Variants in LMBRD2 observed in about 807,000 individuals in gnomAD.
The protein encoded by LMBRD2 is G protein-coupled receptor-associated protein LMBRD2.
LMBRD2 carries 55 observed loss-of-function variants against 94.4 expected under a neutral mutation model. That is an observed-to-expected ratio of 0.58 (90% CI 0.47 to 0.73). The LOEUF (loss-of-function observed/expected upper bound fraction) is 0.73. Ranked by LOEUF, LMBRD2 falls within the 30% of genes least tolerant of loss-of-function variation. The pLI, the probability that LMBRD2 is intolerant of heterozygous loss-of-function variation, is 0.00. For synonymous variants in LMBRD2, 246 were observed against 272.4 expected (o/e 0.90, Z 0.95); for missense variants, 640 against 831.9 (o/e 0.77, Z 2.84).
At chr5:36,148,025 G>A (rs568785146) in intron 1 of LMBRD2, 70 of 188,934 alleles carry the variant, frequency 3.7e-4, no homozygotes, top group African/African-American at 1.6e-3. Context: ...TCAGATATGT[G>A]CAAAATAATA....
intron 4 of LMBRD2, among the ~76,000 whole-genome samples, chr5:36,138,953 C>T (rs895775531): frequency 6.6e-5 from 10 of 152,166 alleles, no homozygotes; most frequent in East Asian, 1.9e-4. Context: ...AGTTGCTGGC[C>T]GCAGTGTGGG....
At chr5:36,104,755 A>G (rs1743423238) in intron 17 of LMBRD2, among the ~76,000 whole-genome samples, 1 of 152,016 alleles carries the variant, frequency 6.6e-6, no homozygotes. Context: ...ACAATCAGAA[A>G]TAGGCATATA....
intron 9 of LMBRD2, among the ~76,000 whole-genome samples, chr5:36,121,579 C>T (rs1391584775): frequency 6.6e-6 from 1 of 151,976 alleles, no homozygotes; most frequent in East Asian, 1.9e-4. Context: ...TGTTAATAAT[C>T]AAAGAGGACT....
chr5:36,121,363 C>T (rs1374928963), intron 9 of LMBRD2, among the ~76,000 whole-genome samples: 2 of 152,098 alleles, frequency 1.3e-5, no homozygotes, highest in Non-Finnish European at 2.9e-5. Context: ...ATACTCAAAA[C>T]CAAACATGCA....
chr5:36,112,465 G>A (rs1581043529), intron 13 of LMBRD2, among the ~76,000 whole-genome samples: 3 of 152,270 alleles, frequency 2.0e-5, no homozygotes, highest in Admixed American at 2.0e-4. Flanking sequence ...AATTATGGCA[G>A]CATTTCAAAT....
Position 36,112,051 on chromosome 5 carries a change from GGA to G in LMBRD2, c.1641-795_1641-794del, listed in dbSNP as rs10661979. Reference sequence around the variant, plus strand: ...AGGAAGAGGAGGAGAAAGTGGTGAAGGAGAGAGAGAGAGAGAGAGACGAAGGG... The same window carrying G: ...AGGAAGAGGAGGAGAAAGTGGTGAAGGAGAGAGAGAGAGAGAGACGAAGGG... On this transcript the variant is annotated intron_variant, in intron 13 of 17. Coordinates refer to ENST00000296603, the MANE Select transcript of LMBRD2 (RefSeq NM_001007527.2). 6.9e-4 allele frequency among the ~76,000 whole-genome samples: 103 copies of G among 149,916 alleles called. 1 individual carries two copies. The highest frequency in any genetic ancestry group is 3.4e-3 in the Middle Eastern group (1 of 290).
At chr5:36,119,440 C>A (rs1162860740) in intron 9 of LMBRD2, among the ~76,000 whole-genome samples, 1 of 152,112 alleles carries the variant, frequency 6.6e-6, no homozygotes, top group African/African-American at 2.4e-5. Flanking sequence ...ACTTTGATAC[C>A]CTTCCTTCCT....
rs1235642789 is a variant in LMBRD2, at chr5:36,098,882, AGGT to A, written c.*5161_*5163del. On this transcript the variant is annotated 3_prime_UTR_variant, in exon 18 of 18. Coordinates refer to ENST00000296603, the MANE Select transcript of LMBRD2 (RefSeq NM_001007527.2). Reference sequence around the variant, plus strand: ...AGTAAAACATTTGTCATTACATATCAGGTGGCAATGGCTAACTAAAGATAAACT... The same window carrying A: ...AGTAAAACATTTGTCATTACATATCAGGCAATGGCTAACTAAAGATAAACT... 2 of 152,128 alleles carry A rather than the reference AGGT, an allele frequency of 1.3e-5. No homozygotes were observed. The highest frequency in any genetic ancestry group is 1.5e-5 in the Non-Finnish European group (1 of 67,972). 9.4% of individuals were successfully genotyped at this position (152,128 alleles called of 1,614,324 possible).
At chr5:36,118,851 G>A (rs1346764760) in intron 9 of LMBRD2, among the ~76,000 whole-genome samples, 1 of 151,640 alleles carries the variant, frequency 6.6e-6, no homozygotes, top group Non-Finnish European at 1.5e-5. Flanking sequence ...GTGCCACCAT[G>A]CCCAGCTAAT....
chr5:36,142,414 A>C, intron 3 of LMBRD2, 88 bp downstream of exon 3: 2 of 680,094 alleles, frequency 2.9e-6, no homozygotes, highest in Non-Finnish European at 5.1e-6. Flanking sequence ...AACTTACATA[A>C]ATATAAAGTC....
Position 36,116,599 on chromosome 5 carries a change from AAAAAAC to A in LMBRD2, c.1303-12_1303-7del. 1.2e-6 allele frequency: 2 copies of A among 1,610,170 alleles called. No individual in the cohort carries two copies. Among genetic ancestry groups the A allele is most frequent in the Non-Finnish European group, 8.5e-7 (1 of 1,179,058 alleles). ...ATGGAAAGGAAGCAGGCAATCTGGAAAAAAACAAAAACAAAGCAGTTTGTTTAAAAC... is the reference window on the plus strand; with the variant it reads ...ATGGAAAGGAAGCAGGCAATCTGGAAAAAAACAAAGCAGTTTGTTTAAAAC... On this transcript the variant is annotated splice_region_variant and splice_polypyrimidine_tract_variant and intron_variant, in intron 10 of 17. Coordinates refer to ENST00000296603, the MANE Select transcript of LMBRD2 (RefSeq NM_001007527.2).
At chr5:36,141,855 A>T (rs1189032110) in intron 3 of LMBRD2, among the ~76,000 whole-genome samples, 1 of 152,182 alleles carries the variant, frequency 6.6e-6, no homozygotes, top group African/African-American at 2.4e-5. Flanking sequence ...AGTTTTTTTA[A>T]TAGTGCTTCA....
At chr5:36,116,091 T>C (rs1224511865) in intron 11 of LMBRD2, among the ~76,000 whole-genome samples, 1 of 152,214 alleles carries the variant, frequency 6.6e-6, no homozygotes, top group Admixed American at 6.5e-5. Flanking sequence ...AAAATTGTTC[T>C]TGTTGGTTTT....
intron 16 of LMBRD2, among the ~76,000 whole-genome samples, chr5:36,106,167 T>C (rs1743462059): frequency 6.6e-6 from 1 of 152,170 alleles, no homozygotes; most frequent in African/African-American, 2.4e-5. Context: ...TTCTATTCTG[T>C]AAACTTCTTC....
chr5:36,115,830 G>A (rs1743730766), intron 11 of LMBRD2, among the ~76,000 whole-genome samples: 1 of 152,116 alleles, frequency 6.6e-6, no homozygotes, highest in Non-Finnish European at 1.5e-5. Flanking sequence ...TGATATCACT[G>A]GGGGTAGCGT....
At chr5:36,144,704 C>A (rs1364278236) in intron 1 of LMBRD2, among the ~76,000 whole-genome samples, 1 of 151,950 alleles carries the variant, frequency 6.6e-6, no homozygotes, top group Non-Finnish European at 1.5e-5. Context: ...AAATAAATAA[C>A]AAAATAAGGG....
intron 8 of LMBRD2, 33 bp from the exon 9 acceptor site, chr5:36,122,496 G>A (rs749396257): frequency 1.3e-6 from 2 of 1,566,368 alleles, no homozygotes; most frequent in East Asian, 4.5e-5. Context: ...ACCTGGCAGT[G>A]TTCTGATCCA....
chr5:36,150,571 C>G (rs1265562638), intron 1 of LMBRD2, among the ~76,000 whole-genome samples: 3 of 152,178 alleles, frequency 2.0e-5, no homozygotes, highest in Non-Finnish European at 4.4e-5. Context: ...TAGCTTCAAA[C>G]AAAGGCAAAT....
At chr5:36,125,152 A>T (rs560391924) in intron 6 of LMBRD2, among the ~76,000 whole-genome samples, 37 of 152,298 alleles carry the variant, frequency 2.4e-4, no homozygotes, top group Admixed American at 2.2e-3. Context: ...CAAAAGGGTT[A>T]AAGAGAAGAC....
Sources: gnomAD v4.1 joint callset for allele counts (sites outside exome capture counted in the v4.1 genomes callset) on GRCh38, gnomAD v4.1.1 for gene constraint, MANE v1.5 for transcripts, NCBI Gene and HGNC (gene_info 2026-07-23, HGNC 2026-07-21) for gene names.